COLEC10: variants seen among roughly 807,000 people sequenced by gnomAD.
COLEC10 encodes collectin-10.
Under a neutral mutation model 28.4 loss-of-function variants are expected in COLEC10, and 22 were observed. The observed-to-expected ratio is 0.78, with a 90% CI of 0.55 to 1.11. COLEC10 has a LOEUF of 1.11. COLEC10 is among the 50% of genes least tolerant of loss of function. The pLI, the probability that COLEC10 is intolerant of heterozygous loss-of-function variation, is 0.00. For synonymous variants in COLEC10, 125 were observed against 116.1 expected, an observed-to-expected ratio of 1.08 and a Z score of -0.49; for missense variants, 361 against 344.1, an observed-to-expected ratio of 1.05 and a Z score of -0.39.
intron 1 of COLEC10, among the ~76,000 whole-genome samples, chr8:119,074,546 C>T (rs561116308): frequency 2.2e-3 from 333 of 152,282 alleles, no homozygotes; most frequent in Non-Finnish European, 3.6e-3. Context: ...TCACTAGTCT[C>T]CACTACTGTT....
chr8:119,090,450 C>T lies in COLEC10; in HGVS notation c.220+699C>T, dbSNP rs138065573. ...TGCCCTAGACCACTTATTTTAAAAT[C>T]TTGAATAGTTTAAAAGAAAGAGAGA... On this transcript the variant is annotated intron_variant, in intron 2 of 5. Coordinates refer to ENST00000332843, the MANE Select transcript of COLEC10 (RefSeq NM_006438.5). 4.4e-3 allele frequency among the ~76,000 whole-genome samples: 665 copies of T among 152,198 alleles called. 5 individuals carry two copies. The highest frequency in any genetic ancestry group is 0.015 in the African/African-American group (635 of 41,516).
chr8:118,970,026 T>C, the COLEC10 span, among the ~76,000 whole-genome samples: 2 of 152,072 alleles, frequency 1.3e-5, no homozygotes, highest in Non-Finnish European at 2.9e-5. Context: ...CAGACTGCAT[T>C]TGCAATCCTC....
upstream of COLEC10, among the ~76,000 whole-genome samples, chr8:119,066,539 C>T (rs551522329): frequency 3.3e-5 from 5 of 152,268 alleles, no homozygotes; most frequent in Non-Finnish European, 7.4e-5. Context: ...ACTGTTAACA[C>T]GTTGTTAGGC....
chr8:119,024,706 C>T (rs941600636), intron 2 of COLEC10, among the ~76,000 whole-genome samples: 3 of 152,070 alleles, frequency 2.0e-5, no homozygotes, highest in African/African-American at 7.2e-5. Flanking sequence ...ATATAATACC[C>T]AAGAGGAAGT....
intron 2 of COLEC10, among the ~76,000 whole-genome samples, chr8:119,053,483 CA>C (rs1207873834): frequency 6.6e-6 from 1 of 151,604 alleles, no homozygotes; most frequent in African/African-American, 2.4e-5. Flanking sequence ...CTAACATACA[CA>C]GTGTGAAGGA....
intron 2 of COLEC10, among the ~76,000 whole-genome samples, chr8:119,024,561 T>C (rs1479518177): frequency 8.5e-6 from 1 of 117,818 alleles, no homozygotes. Flanking sequence ...CATACATGTA[T>C]GCACATATAT....
At chr8:119,031,747 T>C (rs960605834) in intron 2 of COLEC10, among the ~76,000 whole-genome samples, 1 of 152,202 alleles carries the variant, frequency 6.6e-6, no homozygotes, top group Non-Finnish European at 1.5e-5. Context: ...TAATAATTAG[T>C]TCAAAGGAGG....
intron 1 of COLEC10, among the ~76,000 whole-genome samples, chr8:119,008,833 C>A (rs1378041268): frequency 1.3e-5 from 2 of 151,022 alleles, no homozygotes; most frequent in Non-Finnish European, 2.9e-5. Flanking sequence ...GGGGTAACTA[C>A]CCCCTCTTGA....
At chr8:119,018,436 C>T (rs1236017922) in intron 2 of COLEC10, among the ~76,000 whole-genome samples, 2 of 152,186 alleles carry the variant, frequency 1.3e-5, no homozygotes, top group African/African-American at 2.4e-5. Context: ...CATCAGACAG[C>T]TTGGCTTTGA....
chr8:119,080,536 T>A (rs1815347585), intron 1 of COLEC10, among the ~76,000 whole-genome samples: 1 of 152,102 alleles, frequency 6.6e-6, no homozygotes, highest in Non-Finnish European at 1.5e-5. Flanking sequence ...ATCAATAAAT[T>A]CAGAGAAATT....
chr8:119,074,911 G>T (rs57031367), intron 1 of COLEC10, among the ~76,000 whole-genome samples: 8,336 of 152,232 alleles, frequency 0.055, 398 homozygotes, highest in East Asian at 0.19. Flanking sequence ...GTAACATGAG[G>T]ATGATAATAG....
At chr8:119,022,200 A>G (rs1475336352) in intron 2 of COLEC10, among the ~76,000 whole-genome samples, 1 of 152,184 alleles carries the variant, frequency 6.6e-6, no homozygotes. Flanking sequence ...ATAAATTGTG[A>G]AAAGAGTCTG....
At chr8:119,097,665 T>A (rs529087325) in intron 3 of COLEC10, among the ~76,000 whole-genome samples, 2 of 152,214 alleles carry the variant, frequency 1.3e-5, no homozygotes, top group South Asian at 4.1e-4. Flanking sequence ...TCTGTCCCTA[T>A]CTGTATCAAC....
chr8:118,976,351 G>T, the COLEC10 span, among the ~76,000 whole-genome samples: 2 of 152,012 alleles, frequency 1.3e-5, no homozygotes, highest in African/African-American at 4.8e-5. Context: ...TAGTTGGGTT[G>T]ACATATGTGT....
chr8:118,959,946 G>C, the COLEC10 span, among the ~76,000 whole-genome samples: 7 of 152,350 alleles, frequency 4.6e-5, no homozygotes, highest in South Asian at 1.4e-3. Flanking sequence ...AATGATGTGA[G>C]TATGGTATGA....
the COLEC10 span, among the ~76,000 whole-genome samples, chr8:118,961,531 AAG>A: frequency 6.6e-6 from 1 of 152,146 alleles, no homozygotes; most frequent in East Asian, 1.9e-4. Context: ...CAACAACACT[AAG>A]GGACACTGCC....
intron 1 of COLEC10, among the ~76,000 whole-genome samples, chr8:119,085,002 G>A: frequency 6.6e-6 from 1 of 152,170 alleles, no homozygotes; most frequent in Non-Finnish European, 1.5e-5. Context: ...AAATGAGACA[G>A]GCATGGTGTT....
chr8:119,069,629 A>AAAAAAAATATATAT (rs1554627284), intron 1 of COLEC10, among the ~76,000 whole-genome samples: 6 of 42,882 alleles, frequency 1.4e-4, no homozygotes, highest in Admixed American at 4.9e-4. Flanking sequence ...AAAAAAAAAA[A>AAAAAAAATATATAT]ATATATATAT....
At chr8:119,029,210 G>C (rs1814246821) in intron 2 of COLEC10, among the ~76,000 whole-genome samples, 1 of 152,166 alleles carries the variant, frequency 6.6e-6, no homozygotes, top group Non-Finnish European at 1.5e-5. Flanking sequence ...AGTTGAAGCA[G>C]GAGGAACTTA....
Sources: gnomAD v4.1 joint callset for allele counts (sites outside exome capture counted in the v4.1 genomes callset) on GRCh38, gnomAD v4.1.1 for gene constraint, MANE v1.5 for transcripts, NCBI Gene and HGNC (gene_info 2026-07-23, HGNC 2026-07-21) for gene names.